STAB2: variants seen among roughly 807,000 people sequenced by gnomAD.
STAB2 encodes stabilin 2.
A neutral mutation model predicts 338.1 loss-of-function variants in STAB2; 288 were observed. The ratio of observed to expected loss-of-function variants is 0.85; its 90% CI spans 0.77 to 0.94. The LOEUF is 0.94. STAB2 is among the 40% of genes least tolerant of loss of function. The probability of loss-of-function intolerance (pLI) is 0.00; values close to 1 mark genes in which losing one functional copy is unlikely to be tolerated. For missense variants in STAB2, 3,141 were observed against 3,210.1 expected (o/e 0.98, Z 0.52); for synonymous variants, 1,202 against 1,193.3 (o/e 1.01, Z -0.15).
chr12:103,673,346 T>A (rs1224709472), intron 22 of STAB2, among the ~76,000 whole-genome samples: 1 of 152,054 alleles, frequency 6.6e-6, no homozygotes, highest in Non-Finnish European at 1.5e-5. Flanking sequence ...TTCTTTTTTT[T>A]TTTATTTGTT....
chr12:103,708,393 T>A, intron 38 of STAB2, 48 bp from the exon 39 acceptor site: 1 of 1,580,422 alleles, frequency 6.3e-7, no homozygotes, highest in Non-Finnish European at 8.7e-7. Flanking sequence ...AATGAGTTAT[T>A]GAACATGGGT....
intron 66 of STAB2, among the ~76,000 whole-genome samples, chr12:103,761,766 C>T (rs1424931689): frequency 6.6e-6 from 1 of 152,164 alleles, no homozygotes; most frequent in Non-Finnish European, 1.5e-5. Flanking sequence ...CAAAATGGGG[C>T]TCATAATGCC....
At chr12:103,697,578 T>A (rs879642954) in intron 33 of STAB2, among the ~76,000 whole-genome samples, 8 of 152,222 alleles carry the variant, frequency 5.3e-5, no homozygotes, top group Non-Finnish European at 1.0e-4. Context: ...CACTTTGAAT[T>A]GGATTTAAAA....
At position 103,759,276 on chromosome 12, in the gene STAB2, ACAAAGTCTTCTGGG is replaced by A; in HGVS notation, c.7248+5_7248+18del. On this transcript the variant is annotated splice_donor_5th_base_variant and intron_variant, in intron 65 of 68. Transcript: ENST00000388887. Reference sequence around the variant, plus strand: ...CCAGCCAGGACCCACTCCAACCGGTACAAAGTCTTCTGGGCTTCTTGGGGGAACGGGAGATAATG... The same window carrying A: ...CCAGCCAGGACCCACTCCAACCGGTACTTCTTGGGGGAACGGGAGATAATG... The A allele has an allele frequency of 6.2e-7, 1 of 1,613,574 alleles. No individual in the cohort carries two copies. Among genetic ancestry groups the A allele is most frequent in the Non-Finnish European group, 8.5e-7 (1 of 1,179,772 alleles).
chr12:103,757,704 G>A (rs534283255), intron 63 of STAB2, among the ~76,000 whole-genome samples: 13 of 152,326 alleles, frequency 8.5e-5, no homozygotes, highest in South Asian at 2.1e-4. Context: ...CAGCAGGAGC[G>A]TGCCAGGCAA....
intron 37 of STAB2, 32 bp downstream of exon 37, chr12:103,705,759 T>G (rs1167119888): frequency 6.3e-7 from 1 of 1,598,824 alleles, no homozygotes; most frequent in Non-Finnish European, 8.6e-7. Context: ...TACTAACTAC[T>G]GCAGCACCAT....
chr12:103,651,295 T>G (rs2138729814), intron 11 of STAB2, among the ~76,000 whole-genome samples: 1 of 151,136 alleles, frequency 6.6e-6, no homozygotes, highest in Admixed American at 6.7e-5. Context: ...AACATGTGTT[T>G]TTATTTTTCC....
chr12:103,660,779 A>G lies in STAB2; in HGVS notation c.1869+16A>G. ...CACCGACAATGTAAGTGAAAACTCA[A>G]CCACCACCAGCATCACTTGAACACA... On this transcript the variant is annotated intron_variant, in intron 17 of 68. Transcript: ENST00000388887. 1 of 1,612,760 alleles carries G rather than the reference A, an allele frequency of 6.2e-7. No homozygotes were observed. Among genetic ancestry groups the G allele is most frequent in the Non-Finnish European group, 8.5e-7 (1 of 1,178,840 alleles).
intron 65 of STAB2, among the ~76,000 whole-genome samples, chr12:103,759,621 C>A (rs979095801): frequency 6.6e-6 from 1 of 152,132 alleles, no homozygotes; most frequent in Non-Finnish European, 1.5e-5. Context: ...CTGCCACTTG[C>A]TAACTGTAAG....
At chr12:103,704,909 C>G in intron 36 of STAB2, 1 of 234,394 alleles carries the variant, frequency 4.3e-6, no homozygotes, top group Non-Finnish European at 8.2e-6. Context: ...AGCAAGAAAT[C>G]TTGTCAGAGA....
rs774337494 is a variant in STAB2, at chr12:103,730,227, A to T, written c.5194A>T (p.Thr1732Ser). 6 of 1,613,410 alleles carry T rather than the reference A, an allele frequency of 3.7e-6. No individual in the cohort carries two copies. Among genetic ancestry groups the T allele is most frequent in the Non-Finnish European group, 5.1e-6 (6 of 1,179,774 alleles). The change falls in exon 49 of 69, where the codon ACT becomes TCT. Residue 1732 changes from threonine to serine, a missense_variant. Coordinates refer to ENST00000388887, the MANE Select transcript of STAB2 (RefSeq NM_017564.10). The stretch of plus-strand genomic sequence containing the variant: ...GCTATCTCCCAAAAATTTGCTTATC[A>T]CTCCCAAAGACAACTCTGGAAGAAT... ...KLLSPKNLLI[T>S]PKDNSGRILQ...
intron 26 of STAB2, among the ~76,000 whole-genome samples, chr12:103,684,256 A>C (rs111239014): frequency 3.2e-3 from 484 of 152,316 alleles, no homozygotes; most frequent in Middle Eastern, 6.8e-3. Flanking sequence ...CATAGAGGAA[A>C]GGATCTAACT....
At chr12:103,742,236 A>G (rs1593312334) in intron 55 of STAB2, among the ~76,000 whole-genome samples, 169 bp from the exon 56 acceptor site, 1 of 152,228 alleles carries the variant, frequency 6.6e-6, no homozygotes, top group East Asian at 1.9e-4. Context: ...ATCAGATACC[A>G]TAAAGTTCAT....
At chr12:103,750,798 AAAAC>A (rs1883571757) in intron 60 of STAB2, 78 bp downstream of exon 60, 1 of 1,492,176 alleles carries the variant, frequency 6.7e-7, no homozygotes, top group East Asian at 2.4e-5. Flanking sequence ...GGAAAGAAGA[AAAAC>A]AAAACAGGCC....
chr12:103,683,923 A>C lies in STAB2; in HGVS notation c.2901+623A>C, dbSNP rs141593408. Among the ~76,000 whole-genome samples, 466 of 152,296 alleles carry C rather than the reference A, an allele frequency of 3.1e-3. 5 individuals are homozygous for C. The highest frequency in any genetic ancestry group is 0.011 in the African/African-American group (439 of 41,562). ...CAGTGTTTGGAGTTCCAGGTAACAG[A>C]GTCCATGCAGAAGATAAATTTGCTG... On this transcript the variant is annotated intron_variant, in intron 26 of 68. Transcript: ENST00000388887.
intron 27 of STAB2, among the ~76,000 whole-genome samples, chr12:103,685,742 G>A (rs1877372047): frequency 6.6e-6 from 1 of 152,040 alleles, no homozygotes; most frequent in South Asian, 2.1e-4. Context: ...TGTACAGCAT[G>A]GGCCACACTA....
At chr12:103,592,605 T>C (rs539694198) in intron 2 of STAB2, among the ~76,000 whole-genome samples, 1 of 152,336 alleles carries the variant, frequency 6.6e-6, no homozygotes, top group Admixed American at 6.5e-5. Context: ...CACAACTTGA[T>C]GAGTTTGAAG....
intron 62 of STAB2, 45 bp from the exon 63 acceptor site, chr12:103,755,567 C>A: frequency 6.2e-7 from 1 of 1,611,978 alleles, no homozygotes; most frequent in Non-Finnish European, 8.5e-7. Context: ...GCAGCCCTGG[C>A]CCCTGCCTTA....
intron 61 of STAB2, among the ~76,000 whole-genome samples, chr12:103,753,630 C>T (rs1399309030): frequency 6.6e-6 from 1 of 152,170 alleles, no homozygotes; most frequent in Non-Finnish European, 1.5e-5. Flanking sequence ...GATAGGGAAA[C>T]TGAGGCTTAG....
Sources: allele counts gnomAD v4.1 joint callset (sites outside exome capture counted in the v4.1 genomes callset), GRCh38; gene constraint gnomAD v4.1.1; transcripts MANE v1.5; gene names NCBI Gene and HGNC (gene_info 2026-07-23, HGNC 2026-07-21).